The following ADCY5 variants were observed in gnomAD, a reference collection of about 807,000 sequenced individuals.
ADCY5 encodes the protein adenylate cyclase 5.
A neutral mutation model predicts 119.7 loss-of-function variants in ADCY5; 30 were observed. The observed-to-expected ratio is 0.25, with a 90% CI of 0.19 to 0.34. The LOEUF (loss-of-function observed/expected upper bound fraction) is 0.34, where lower values mean the gene tolerates loss of function less well. ADCY5 is among the 10% of genes least tolerant of loss of function. The pLI is 1.00. For missense variants in ADCY5, 1,324 were observed against 1,775.2 expected (o/e 0.75, Z 4.57); for synonymous variants, 753 against 762.2 (o/e 0.99, Z 0.20).
At chr3:123,345,743 C>CAGAG (rs1942504379) in intron 3 of ADCY5, among the ~76,000 whole-genome samples, 1 of 107,738 alleles carries the variant, frequency 9.3e-6, no homozygotes, top group Non-Finnish European at 1.9e-5. Flanking sequence ...GAGAGACAGA[C>CAGAG]AGACAGACAG....
At chr3:123,369,514 T>C (rs1475259842) in intron 1 of ADCY5, among the ~76,000 whole-genome samples, 3 of 152,222 alleles carry the variant, frequency 2.0e-5, no homozygotes, top group African/African-American at 7.2e-5. Context: ...CAAGTCTGTG[T>C]GTCCCTGTGA....
At chr3:123,412,407 C>T (rs17361324) in intron 1 of ADCY5, among the ~76,000 whole-genome samples, 30,343 of 152,186 alleles carry the variant, frequency 0.2, 3,403 homozygotes, top group Admixed American at 0.27. Flanking sequence ...TGCCAGACAA[C>T]GCAACCACTG....
At chr3:123,312,651 G>A (rs944759405) in intron 12 of ADCY5, among the ~76,000 whole-genome samples, 7 of 152,148 alleles carry the variant, frequency 4.6e-5, no homozygotes, top group East Asian at 1.9e-4. Flanking sequence ...CAGACCATAC[G>A]TGTGACCTTT....
rs918961687 is a variant in ADCY5 at position 123,286,584 on chromosome 3, C to T, written c.3657+101G>A. Reference sequence around the variant, plus strand: ...CATCACCCTTGAATCTGGCTGCAGACATTCTGACTGGGAACTGTAGGTGGC... The same window carrying T: ...CATCACCCTTGAATCTGGCTGCAGATATTCTGACTGGGAACTGTAGGTGGC... On this transcript the variant is annotated intron_variant, in intron 20 of 20. Transcript: ENST00000462833. This position sits in a 1 kb window ranked among gnomAD's most constrained non-coding sequence, Gnocchi z 4.2. 2 of 1,453,398 alleles carry T rather than the reference C, an allele frequency of 1.4e-6. No homozygotes were observed. Among genetic ancestry groups the T allele is most frequent in the Non-Finnish European group, 1.8e-6 (2 of 1,091,696 alleles). 90.0% of individuals were successfully genotyped at this position (1,453,398 alleles called of 1,614,324 possible). A position where few individuals can be genotyped will look rare whatever the true frequency, so the allele number is the denominator to read the frequency against.
intron 1 of ADCY5, among the ~76,000 whole-genome samples, chr3:123,383,856 C>T (rs566444622): frequency 4.0e-5 from 6 of 151,252 alleles, no homozygotes; most frequent in Non-Finnish European, 5.9e-5. Context: ...CCTCAAGGCA[C>T]GCACACACAC....
intron 17 of ADCY5, among the ~76,000 whole-genome samples, chr3:123,295,636 G>A (rs995566073): frequency 4.6e-5 from 7 of 152,200 alleles, no homozygotes; most frequent in Admixed American, 3.3e-4. Flanking sequence ...TTTGGTGCCA[G>A]TTCCCTACCC....
chr3:123,380,022 G>C (rs1943977870), intron 1 of ADCY5, among the ~76,000 whole-genome samples: 2 of 152,080 alleles, frequency 1.3e-5, no homozygotes, highest in Admixed American at 1.3e-4. Flanking sequence ...GACACAACCA[G>C]ACATCTCTAG....
chr3:123,347,107 T>C (rs1942601111), intron 3 of ADCY5, among the ~76,000 whole-genome samples: 1 of 152,104 alleles, frequency 6.6e-6, no homozygotes, highest in Admixed American at 6.5e-5. Flanking sequence ...CTAGAATGCA[T>C]TCCCCACCCT....
At chr3:123,327,014 G>C (rs1941525823) in intron 7 of ADCY5, among the ~76,000 whole-genome samples, 1 of 152,228 alleles carries the variant, frequency 6.6e-6, no homozygotes, top group African/African-American at 2.4e-5. Context: ...AGGCATTTTA[G>C]TTTAGGGAGA....
intron 3 of ADCY5, among the ~76,000 whole-genome samples, chr3:123,342,295 A>G (rs1942327236): frequency 6.6e-6 from 1 of 152,210 alleles, no homozygotes; most frequent in Non-Finnish European, 1.5e-5. Context: ...ACCACACTGC[A>G]GCAGAGCCAG....
At chr3:123,329,191 T>C (rs540780342) in intron 5 of ADCY5, among the ~76,000 whole-genome samples, 68 of 152,372 alleles carry the variant, frequency 4.5e-4, no homozygotes, top group African/African-American at 1.6e-3. Context: ...CCTATTTGTA[T>C]AATGCTCTTG....
intron 1 of ADCY5, among the ~76,000 whole-genome samples, chr3:123,425,351 G>A (rs545893581): frequency 1.2e-3 from 188 of 152,260 alleles, no homozygotes; most frequent in African/African-American, 4.4e-3. Context: ...CAGATCCCTC[G>A]GGTGTCCCAT....
At chr3:123,318,232 A>G in intron 10 of ADCY5, 115 bp from the exon 11 acceptor site, 1 of 718,898 alleles carries the variant, frequency 1.4e-6, no homozygotes, top group Non-Finnish European at 2.4e-6. Context: ...TGTGCAGCCC[A>G]CTCCCACAAC....
At chr3:123,369,393 G>A (rs1022092068) in intron 1 of ADCY5, among the ~76,000 whole-genome samples, 9 of 152,190 alleles carry the variant, frequency 5.9e-5, no homozygotes, top group Admixed American at 5.9e-4. Flanking sequence ...ATCCTTACCT[G>A]CAGGAATGCC....
chr3:123,325,157 G>A (rs958130083), intron 8 of ADCY5, among the ~76,000 whole-genome samples, 165 bp downstream of exon 8: 14 of 152,246 alleles, frequency 9.2e-5, no homozygotes, highest in Non-Finnish European at 1.3e-4. Flanking sequence ...CCAGAAGCAG[G>A]TGCCCTACTC....
chr3:123,304,153 T>C lies in ADCY5; in HGVS notation c.2473A>G (p.Arg825Gly). The C allele has an allele frequency of 4.2e-6, 6 of 1,421,614 alleles. No individual in the cohort carries two copies. The highest frequency in any genetic ancestry group is 3.7e-6 in the Non-Finnish European group (4 of 1,069,100). 88.1% of individuals were successfully genotyped at this position (1,421,614 alleles called of 1,614,324 possible). A position where few individuals can be genotyped will look rare whatever the true frequency, so the allele number is the denominator to read the frequency against. ...LFPSPLQTLSRKIVRSKMNST... is the reference protein window; with the variant it reads ...LFPSPLQTLSGKIVRSKMNST... The stretch of plus-strand genomic sequence containing the variant: ...TTCATCTTGGACCGCACGATCTTCC[T>C]GGAGAGGGTCTGCAGTGGGGAGGGG... The change falls in exon 13 of 21, where the codon AGG (arginine) becomes GGG (glycine). Residue 825 changes from arginine (R) to glycine (G), a missense_variant. This residue lies in a region of ADCY5 where 424 missense variants were observed against 546.8 expected (regional missense o/e 0.78). Transcript: ENST00000462833.
rs918822267 is a variant in ADCY5, at chr3:123,296,016, G to A, written c.3063+68C>T. 14 of 1,586,362 alleles carry A rather than the reference G, an allele frequency of 8.8e-6. No homozygotes were observed. In the East Asian group the frequency reaches 9.0e-5, roughly 10 times the overall value. On this transcript the variant is annotated intron_variant, in intron 17 of 20. Coordinates refer to ENST00000462833, the MANE Select transcript of ADCY5 (RefSeq NM_183357.3). The stretch of plus-strand genomic sequence containing the variant: ...CCCGGCTTGGCCTGGCCCAGCAGAC[G>A]AGCCTGTTGTCTCCGCCACCTGCTC...
intron 1 of ADCY5, among the ~76,000 whole-genome samples, chr3:123,434,465 G>A (rs1210090295): frequency 6.6e-6 from 1 of 152,186 alleles, no homozygotes; most frequent in Non-Finnish European, 1.5e-5. Flanking sequence ...CACAGTCAGG[G>A]TTATCTCCTG....
At chr3:123,316,278 G>T (rs1940908361) in intron 11 of ADCY5, among the ~76,000 whole-genome samples, 1 of 152,080 alleles carries the variant, frequency 6.6e-6, no homozygotes, top group African/African-American at 2.4e-5. Context: ...AAAGTGCCAA[G>T]GTCATGAAAG....
Sources: gnomAD v4.1 joint callset for allele counts (sites outside exome capture counted in the v4.1 genomes callset) on GRCh38, gnomAD v4.1.1 for gene constraint, gnomAD v4.1.1 regional missense constraint, Gnocchi (gnomAD v3.1) non-coding constraint, MANE v1.5 for transcripts, NCBI Gene and HGNC (gene_info 2026-07-23, HGNC 2026-07-21) for gene names.